RTKN2: variants seen among roughly 807,000 people sequenced by gnomAD.
The protein encoded by RTKN2 is rhotekin-2.
RTKN2 carries 69 observed loss-of-function variants against 71.5 expected under a neutral mutation model. The observed-to-expected ratio is 0.96, with a 90% confidence interval of 0.79 to 1.18. RTKN2 has a LOEUF of 1.18. Ranked by LOEUF, RTKN2 falls within the 50% of genes most tolerant of loss-of-function variation. The probability of loss-of-function intolerance (pLI) is 0.00; values close to 1 mark genes in which losing one functional copy is unlikely to be tolerated. For missense variants in RTKN2, 724 were observed against 719.7 expected, an observed-to-expected ratio of 1.01 and a Z score of -0.07; for synonymous variants, 236 against 236.5, an observed-to-expected ratio of 1.00 and a Z score of 0.02.
chr10:62,197,030 G>T lies in RTKN2; in HGVS notation c.*878C>A, dbSNP rs1268674180. 1 of 975,066 alleles carries T rather than the reference G, an allele frequency of 1.0e-6. No individual in the cohort carries two copies. Among genetic ancestry groups the T allele is most frequent in the East Asian group, 1.1e-4 (1 of 8,770 alleles). The allele number at this position is 975,066 out of a possible 1,614,324, so 60.4% of individuals were successfully genotyped here. ...GAAATCTAATTAAAATTTTAAAAAA[G>T]AATTCTGAAAATTATTTACCATGGC... On this transcript the variant is annotated 3_prime_UTR_variant, in exon 12 of 12. Transcript: ENST00000373789.
In RTKN2 at chr10:62,245,992, A is replaced by G; in HGVS notation, c.316+7T>C. 6.4e-7 allele frequency: 1 copy of G among 1,550,968 alleles called. No individual in the cohort carries two copies. Among genetic ancestry groups the G allele is most frequent in the Non-Finnish European group, 8.8e-7 (1 of 1,133,790 alleles). On this transcript the variant is annotated splice_region_variant and intron_variant, in intron 3 of 11. Transcript: ENST00000373789. ...TCAGCAATATAAAAGATTCATTTATAGCATACCTGATATGGCAATCTTTCC... is the reference window on the plus strand; with the variant it reads ...TCAGCAATATAAAAGATTCATTTATGGCATACCTGATATGGCAATCTTTCC...
In RTKN2 at chr10:62,196,630, T is replaced by G. The variant is rs1297431610; in HGVS notation, c.*1278A>C. ...CTAGCTTTAAAAAGATCTCAAGAGA[T>G]TATACACAGGGCAGCAATTTAATTC... On this transcript the variant is annotated 3_prime_UTR_variant, in exon 12 of 12. Coordinates refer to ENST00000373789, the MANE Select transcript of RTKN2 (RefSeq NM_145307.4). 1.0e-6 allele frequency: 1 copy of G among 984,462 alleles called. No individual in the cohort carries two copies. Among genetic ancestry groups the G allele is most frequent in the African/African-American group, 1.7e-5 (1 of 57,220 alleles). The allele number at this position is 984,462 out of a possible 1,614,324, so 61.0% of individuals were successfully genotyped here. A position where few individuals can be genotyped will look rare whatever the true frequency, so the allele number is the denominator to read the frequency against.
At chr10:62,210,235 C>T (rs1454356961) in intron 9 of RTKN2, among the ~76,000 whole-genome samples, 2 of 152,090 alleles carry the variant, frequency 1.3e-5, no homozygotes, top group Non-Finnish European at 2.9e-5. Context: ...ATATTAACTA[C>T]ATATAATTAT....
At position 62,197,416 on chromosome 10, in the gene RTKN2, T is replaced by A; in HGVS notation, c.*492A>T. ...GAGTTAAACAATAGATGAGAGCCAG[T>A]GAACCATTAGATGAGAATTCCAGAA... On this transcript the variant is annotated 3_prime_UTR_variant, in exon 12 of 12. Transcript: ENST00000373789. 1.0e-6 allele frequency: 1 copy of A among 986,510 alleles called. No homozygotes were observed. The highest frequency in any genetic ancestry group is 1.2e-6 in the Non-Finnish European group (1 of 830,434). The allele number at this position is 986,510 out of a possible 1,614,324, so 61.1% of individuals were successfully genotyped here. A position where few individuals can be genotyped will look rare whatever the true frequency, so the allele number is the denominator to read the frequency against.
At chr10:62,184,428 T>A in intron 8 of RTKN2, 2 of 1,146,092 alleles carry the variant, frequency 1.7e-6, no homozygotes, top group African/African-American at 3.1e-5. Context: ...CCCACAGAGG[T>A]AAAGAGAAAA....
At chr10:62,242,523 A>G (rs1398524953) in intron 3 of RTKN2, among the ~76,000 whole-genome samples, 3 of 152,064 alleles carry the variant, frequency 2.0e-5, no homozygotes, top group Non-Finnish European at 4.4e-5. Context: ...CACTTTTTGT[A>G]TATTTATCTT....
chr10:62,265,767 T>C (rs931730781), intron 1 of RTKN2, among the ~76,000 whole-genome samples: 1 of 152,144 alleles, frequency 6.6e-6, no homozygotes, highest in African/African-American at 2.4e-5. Context: ...ATACAATGCA[T>C]CAGGGGTAAG....
At chr10:62,184,072 A>G (rs1341541669) in exon 9 of RTKN2, 1 of 396,108 alleles carries the variant, frequency 2.5e-6, no homozygotes, top group Admixed American at 4.5e-5. Context: ...CAATGAAGTG[A>G]CTGTCCAAAT....
At chr10:62,261,207 A>G (rs1465474128) in intron 2 of RTKN2, among the ~76,000 whole-genome samples, 1 of 152,264 alleles carries the variant, frequency 6.6e-6, no homozygotes, top group East Asian at 1.9e-4. Context: ...GAGGCATATA[A>G]GAATGAAAAC....
At chr10:62,234,457 C>G (rs1842213588) in intron 6 of RTKN2, among the ~76,000 whole-genome samples, 2 of 148,382 alleles carry the variant, frequency 1.3e-5, no homozygotes, top group South Asian at 4.2e-4. Flanking sequence ...GAGAGCTCCA[C>G]TGCACTCCAG....
At position 62,198,032 on chromosome 10, in the gene RTKN2, C is replaced by G; in HGVS notation, c.1706G>C (p.Arg569Thr). Residue 569 changes from arginine to threonine, a missense_variant, in exon 12 of 12, where the codon AGA becomes ACA. Coordinates refer to ENST00000373789, the MANE Select transcript of RTKN2 (RefSeq NM_145307.4). ...PRKLLPARRN[R>T]LSDGEHTDTK... ...GTCTGTGTGCTCACCATCACTTAAT[C>G]TATTTCTCCTGGCAGGCAGAAGTTT... 6.2e-7 allele frequency: 1 copy of G among 1,614,062 alleles called. No homozygotes were observed. Among genetic ancestry groups the G allele is most frequent in the Non-Finnish European group, 8.5e-7 (1 of 1,179,968 alleles).
chr10:62,264,179 A>T (rs912399371), intron 1 of RTKN2, among the ~76,000 whole-genome samples: 1 of 152,212 alleles, frequency 6.6e-6, no homozygotes, highest in African/African-American at 2.4e-5. Context: ...CAAAAAGAAA[A>T]GATGAAAGTT....
rs544609620 is a variant in RTKN2 at position 62,259,093 on chromosome 10, A to T, written c.257+3532T>A. The T allele has an allele frequency of 8.9e-4, 342 of 384,688 alleles. 5 individuals are homozygous for T. Among genetic ancestry groups the T allele is most frequent in the Middle Eastern group, 4.4e-3 (5 of 1,138 alleles). The allele number at this position is 384,688 out of a possible 1,614,324, so 23.8% of individuals were successfully genotyped here. A position where few individuals can be genotyped will look rare whatever the true frequency, so the allele number is the denominator to read the frequency against. On this transcript the variant is annotated intron_variant, in intron 2 of 11. Transcript: ENST00000373789. The stretch of plus-strand genomic sequence containing the variant: ...AATCATAGGGGCAGGTTTTTCCTGC[A>T]CTGTTCTCATGATAGTGAGTAAGTC...
chr10:62,241,066 C>T, intron 4 of RTKN2, 76 bp downstream of exon 4: 1 of 728,850 alleles, frequency 1.4e-6, no homozygotes, highest in South Asian at 1.8e-5. Context: ...AGCAAGGAAG[C>T]AGTCTTTTTT....
chr10:62,264,350 T>C (rs1842831189), intron 1 of RTKN2, among the ~76,000 whole-genome samples: 1 of 152,192 alleles, frequency 6.6e-6, no homozygotes, highest in Admixed American at 6.5e-5. Flanking sequence ...AAAAACCTTC[T>C]CATATAGTGT....
At chr10:62,184,310 G>A (rs1841100692) in exon 9 of RTKN2, 1 of 1,496,982 alleles carries the variant, frequency 6.7e-7, no homozygotes, top group Non-Finnish European at 9.1e-7. Context: ...TTCTAATGAA[G>A]TATTTGAGAA....
chr10:62,228,140 T>G (rs1360399760), intron 6 of RTKN2, among the ~76,000 whole-genome samples: 1 of 152,112 alleles, frequency 6.6e-6, no homozygotes. Flanking sequence ...GATATAAATT[T>G]GGGAGTTATC....
chr10:62,228,623 A>G lies in RTKN2; in HGVS notation c.687-5291T>C, dbSNP rs530580979. 3.9e-5 allele frequency among the ~76,000 whole-genome samples: 6 copies of G among 152,356 alleles called. No homozygotes were observed. In the East Asian group the frequency reaches 7.7e-4, roughly 20 times the overall value. ...AAATTGAAGGTATTTCAGCATGTTT[A>G]TAAGTATACAGAAATGATGCCGTAC... On this transcript the variant is annotated intron_variant, in intron 6 of 11. Transcript: ENST00000373789.
At chr10:62,259,570 G>A (rs1842735874) in intron 2 of RTKN2, among the ~76,000 whole-genome samples, 2 of 151,740 alleles carry the variant, frequency 1.3e-5, no homozygotes, top group Non-Finnish European at 2.9e-5. Flanking sequence ...ATTTCTTTTT[G>A]AGACAGAATC....
Sources: allele counts gnomAD v4.1 joint callset (sites outside exome capture counted in the v4.1 genomes callset), GRCh38; gene constraint gnomAD v4.1.1; transcripts MANE v1.5; gene names NCBI Gene and HGNC (gene_info 2026-07-23, HGNC 2026-07-21).